The following SLC19A3 variants were observed in gnomAD, a reference collection of about 807,000 sequenced individuals.
The protein encoded by SLC19A3 is thiamine transporter 2.
SLC19A3 carries 31 observed loss-of-function variants against 40.2 expected under a neutral mutation model. The ratio of observed to expected loss-of-function variants is 0.77; its 90% CI spans 0.58 to 1.04. SLC19A3 has a LOEUF of 1.04. SLC19A3 is among the 50% of genes least tolerant of loss of function. The pLI is 0.00. For synonymous variants in SLC19A3, 212 were observed against 227.5 expected (o/e 0.93, Z 0.61); for missense variants, 592 against 596.7 (o/e 0.99, Z 0.08).
intron 1 of SLC19A3, among the ~76,000 whole-genome samples, chr2:227,706,954 G>A (rs1209619685): frequency 6.6e-6 from 1 of 152,206 alleles, no homozygotes; most frequent in Non-Finnish European, 1.5e-5. Context: ...TGGACGCACA[G>A]GAGAGAGTTT....
intron 2 of SLC19A3, chr2:227,701,895 G>A (rs1032473091): frequency 9.9e-5 from 38 of 385,368 alleles, no homozygotes; most frequent in Middle Eastern, 8.2e-4. Context: ...TAGAATCAAC[G>A]GAGACCTGAA....
intron 1 of SLC19A3, among the ~76,000 whole-genome samples, chr2:227,708,560 T>TCAAA (rs60812853): frequency 1.2e-3 from 175 of 150,816 alleles, no homozygotes; most frequent in African/African-American, 4.2e-3. Flanking sequence ...CCTGTCTCTA[T>TCAAA]CAAACAAACA....
Position 227,688,166 on chromosome 2 carries a change from C to G in SLC19A3, c.1314G>C (p.Gln438His). Residue 438 changes from glutamine (Q) to histidine (H), a missense_variant and splice_region_variant, in exon 5 of 6, where the codon CAG (glutamine) becomes CAC (histidine). Coordinates refer to ENST00000644224, the MANE Select transcript of SLC19A3 (RefSeq NM_025243.4). Reference protein sequence around the residue: ...QRGLNLPVSIQFLVYGSYFAV... With the variant: ...QRGLNLPVSIHFLVYGSYFAV... ...TGAAAACAGAAGTATTGCAGCTTAC[C>G]TGAATGCTGACTGGCAAGTTGAGCC... The G allele has an allele frequency of 4.3e-6, 7 of 1,613,944 alleles. No individual in the cohort carries two copies. The highest frequency in any genetic ancestry group is 5.9e-6 in the Non-Finnish European group (7 of 1,179,928).
intron 1 of SLC19A3, among the ~76,000 whole-genome samples, chr2:227,716,888 T>A (rs1405263936): frequency 6.6e-6 from 1 of 152,062 alleles, no homozygotes; most frequent in Non-Finnish European, 1.5e-5. Flanking sequence ...ATTTGGGAAG[T>A]TATGTTTTGG....
At chr2:227,717,189 G>A (rs1696363520) in intron 1 of SLC19A3, among the ~76,000 whole-genome samples, 1 of 151,864 alleles carries the variant, frequency 6.6e-6, no homozygotes, top group Non-Finnish European at 1.5e-5. Flanking sequence ...TTTTAGTAGA[G>A]ACGGGGTTTC....
At position 227,717,995 on chromosome 2, in the gene SLC19A3, C is replaced by A. The variant is rs1168278621; in HGVS notation, c.-55G>T. 4.1e-6 allele frequency: 4 copies of A among 985,054 alleles called. No individual in the cohort carries two copies. The highest frequency in any genetic ancestry group is 1.1e-4 in the East Asian group (1 of 8,810). The allele number at this position is 985,054 out of a possible 1,614,324, so 61.0% of individuals were successfully genotyped here. A position where few individuals can be genotyped will look rare whatever the true frequency, so the allele number is the denominator to read the frequency against. On this transcript the variant is annotated 5_prime_UTR_variant, in exon 1 of 6. Coordinates refer to ENST00000644224, the MANE Select transcript of SLC19A3 (RefSeq NM_025243.4). ...ATCGCTCACTTGCCGCACGACCACG[C>A]ACCCGCGGCTGTCGGATGGATCCAG... is the stretch of plus-strand genomic sequence containing the variant.
At chr2:227,702,501 C>G (rs1695743356) in intron 1 of SLC19A3, 181 bp from the exon 2 acceptor site, 1 of 598,680 alleles carries the variant, frequency 1.7e-6, no homozygotes, top group African/African-American at 1.9e-5. Flanking sequence ...TCAAGCCATT[C>G]TCCTGCCTCA....
intron 1 of SLC19A3, among the ~76,000 whole-genome samples, chr2:227,713,726 G>A (rs1416525079): frequency 1.3e-5 from 2 of 151,088 alleles, no homozygotes; most frequent in African/African-American, 2.4e-5. Context: ...AATTTCCCAC[G>A]TTCAGGTATT....
intron 1 of SLC19A3, among the ~76,000 whole-genome samples, chr2:227,711,422 AAAAATAAAATAAAAT>A (rs10634783): frequency 7.0e-6 from 1 of 143,658 alleles, no homozygotes; most frequent in Non-Finnish European, 1.5e-5. Context: ...TCTGTCTCAA[AAAAATAAAATAAAAT>A]AAAATAAAAT....
Position 227,698,992 on chromosome 2 carries a change from T to C in SLC19A3, c.723A>G (p.Ser241=), listed in dbSNP as rs1212353592. 5 of 1,614,134 alleles carry C rather than the reference T, an allele frequency of 3.1e-6. No homozygotes were observed. In the African/African-American group the frequency reaches 6.7e-5, roughly 22 times the overall value. ...QKPTSEILST[S]GKLNKGQLNS... is the part of the protein sequence containing the mutation. ...TCAGCTGGCCCTTATTCAGCTTCCCTGAAGTGCTGAGTATTTCTGATGTGG... is the reference window on the plus strand; with the variant it reads ...TCAGCTGGCCCTTATTCAGCTTCCCCGAAGTGCTGAGTATTTCTGATGTGG... Residue 241 remains serine, a synonymous_variant, in exon 3 of 6, where the codon TCA becomes TCG. Transcript: ENST00000644224.
rs1268006436 is a variant in SLC19A3, at chr2:227,698,882, A to G, written c.833T>C (p.Leu278Pro). 1.9e-6 allele frequency: 3 copies of G among 1,614,162 alleles called. No homozygotes were observed. The change falls in exon 3 of 6, where the codon CTT (leucine) becomes CCT (proline). Residue 278 changes from leucine to proline, a missense_variant. Transcript: ENST00000644224. Reference sequence around the variant, plus strand: ...AGCCCACCATAGAGACCAGTAGAAAAGACGTTTTGAGGAGTAGCACTCCTT... The same window carrying G: ...AGCCCACCATAGAGACCAGTAGAAAGGACGTTTTGAGGAGTAGCACTCCTT... ...DLKECYSSKR[L>P]FYWSLWWAFA...
Position 227,687,510 on chromosome 2 carries a change from T to C in SLC19A3, c.1378A>G (p.Ile460Val), listed in dbSNP as rs1574540571. ...TTCTGGGATTTGGTTGAGTAGGTAA[T>C]ATACATGCTTCTCATTAGGAAAATT... ...AGIFLMRSMY[I>V]TYSTKSQKDV... Residue 460 changes from isoleucine (I) to valine (V), a missense_variant, in exon 6 of 6, where the codon ATT becomes GTT. Ile to Val is a conservative substitution (Grantham distance 29). Transcript: ENST00000644224. The C allele has an allele frequency of 1.2e-6, 2 of 1,614,116 alleles. No individual in the cohort carries two copies. Among genetic ancestry groups the C allele is most frequent in the Non-Finnish European group, 1.7e-6 (2 of 1,179,984 alleles).
At chr2:227,690,120 A>C (rs2106320024) in intron 4 of SLC19A3, among the ~76,000 whole-genome samples, 1 of 152,332 alleles carries the variant, frequency 6.6e-6, no homozygotes, top group African/African-American at 2.4e-5. Flanking sequence ...ATAACAAAAT[A>C]ACAGGAGTAA....
chr2:227,692,816 A>G (rs933103445), intron 4 of SLC19A3, among the ~76,000 whole-genome samples: 9 of 152,204 alleles, frequency 5.9e-5, no homozygotes, highest in Non-Finnish European at 2.9e-5. Context: ...AAAGACTCTT[A>G]CCAATAAACT....
At position 227,699,117 on chromosome 2, in the gene SLC19A3, G is replaced by GA. The variant is rs773140674; in HGVS notation, c.597dup (p.His200SerfsTer25). The GA allele has an allele frequency of 8.7e-6, 14 of 1,614,026 alleles. No homozygotes were observed. Among genetic ancestry groups the GA allele is most frequent in the Admixed American group, 3.3e-5 (2 of 59,990 alleles). ...TTTATTTCTCTGCTGGGTTTTGCAT[G>GA]AAAAAACATGCTTTTCTTGGGCATT... On this transcript the variant is annotated frameshift_variant, in exon 3 of 6. Transcript: ENST00000644224. LOFTEE classifies it high-confidence loss of function.
chr2:227,699,264 A>G lies in SLC19A3; in HGVS notation c.451T>C (p.Tyr151His), dbSNP rs1479116365. The G allele has an allele frequency of 6.2e-7, 1 of 1,614,064 alleles. No homozygotes were observed. Among genetic ancestry groups the G allele is most frequent in the East Asian group, 2.2e-5 (1 of 44,876 alleles). The change falls in exon 3 of 6, where the codon TAC (tyrosine) becomes CAC (histidine). Residue 151 changes from tyrosine to histidine, a missense_variant. Tyr to His is a moderately conservative substitution (Grantham distance 83). Coordinates refer to ENST00000644224, the MANE Select transcript of SLC19A3 (RefSeq NM_025243.4). ...GYCRSVTLAA[Y>H]TAGSVLAQLL... is the part of the protein sequence containing the mutation. ...TGAGCCAGCACCGACCCTGCTGTGT[A>G]GGCGGCCAGCGTGACGCTCCTGCAG...
intron 1 of SLC19A3, among the ~76,000 whole-genome samples, chr2:227,705,509 C>G (rs1695895896): frequency 6.6e-6 from 1 of 151,796 alleles, no homozygotes; most frequent in African/African-American, 2.4e-5. Flanking sequence ...GGGGTATATA[C>G]CCAGTAACAG....
At chr2:227,717,856 C>T (rs1355324040) in intron 1 of SLC19A3, 87 bp downstream of exon 1, 1 of 966,050 alleles carries the variant, frequency 1.0e-6, no homozygotes. Context: ...CCCCAGCTCT[C>T]CAAACCCGGG....
rs769256469 is a variant in SLC19A3, at chr2:227,714,703, CAAAA to C, written c.-3+3236_-3+3239del. The stretch of plus-strand genomic sequence containing the variant: ...AGCCGATGACATTTGAAATCCCATC[CAAAA>C]AAAAAAAAAAAAAAAAGCAGACACC... On this transcript the variant is annotated intron_variant, in intron 1 of 5. Coordinates refer to ENST00000644224, the MANE Select transcript of SLC19A3 (RefSeq NM_025243.4). The C allele has an allele frequency of 2.9e-3, 519 of 176,882 alleles. 5 individuals are homozygous for C. The highest frequency in any genetic ancestry group is 3.6e-3 in the Non-Finnish European group (465 of 127,740). The allele number at this position is 176,882 out of a possible 1,614,324, so 11.0% of individuals were successfully genotyped here. A position where few individuals can be genotyped will look rare whatever the true frequency, so the allele number is the denominator to read the frequency against.
Sources: allele counts gnomAD v4.1 joint callset (sites outside exome capture counted in the v4.1 genomes callset), GRCh38; gene constraint gnomAD v4.1.1; transcripts MANE v1.5; gene names NCBI Gene and HGNC (gene_info 2026-07-23, HGNC 2026-07-21).